Variants in NXF3 observed in about 807,000 individuals in gnomAD.
NXF3 encodes TAP-like protein 3.
A neutral mutation model predicts 48.4 loss-of-function variants in NXF3; 34 were observed. The observed-to-expected ratio is 0.70, with a 90% CI of 0.53 to 0.93. NXF3 has a LOEUF of 0.93. Among genes scored for constraint, NXF3 ranks in the 40% least tolerant of loss-of-function variants. The pLI is 0.00. For synonymous variants in NXF3, 132 were observed against 145.7 expected (o/e 0.91, Z 0.68); for missense variants, 359 against 406.1 (o/e 0.88, Z 1.00).
At chrX:103,080,921 C>G (rs1219746556) in intron 9 of NXF3, 7 of 329,738 alleles carry the variant, frequency 2.1e-5, no homozygotes, top group Non-Finnish European at 3.2e-5. Context: ...TGGCCCTGGC[C>G]AAGACCAGGT....
At chrX:103,077,911 CT>C (rs757050037) in intron 17 of NXF3, among the ~76,000 whole-genome samples, 165 bp from the exon 18 acceptor site, 2 of 111,734 alleles carry the variant, frequency 1.8e-5, no homozygotes, top group South Asian at 7.6e-4. Flanking sequence ...CAGAGCCCAC[CT>C]TTGGAGAGAT....
intron 1 of NXF3, among the ~76,000 whole-genome samples, chrX:103,086,851 CATAATG>C (rs1212505205): frequency 9.0e-6 from 1 of 111,710 alleles, no homozygotes. Flanking sequence ...GAAAAGAACT[CATAATG>C]ATAAAGGTTC....
At chrX:103,079,106 G>A in intron 16 of NXF3, 115 bp downstream of exon 16, 1 of 793,450 alleles carries the variant, frequency 1.3e-6, no homozygotes, top group African/African-American at 2.0e-5. Context: ...AACACGGAGG[G>A]AACAAGAGGA....
intron 1 of NXF3, chrX:103,087,064 G>A (rs1344768211): frequency 3.1e-5 from 10 of 325,630 alleles, no homozygotes; most frequent in South Asian, 1.4e-4. Context: ...TTTCTTGTTC[G>A]CCTACTTTCG....
At chrX:103,087,778 A>G in intron 1 of NXF3, 2 of 933,772 alleles carry the variant, frequency 2.1e-6, no homozygotes, top group Non-Finnish European at 3.1e-6. Context: ...CGTGTAGTAA[A>G]TCTTTTTGAC....
At chrX:103,080,943 G>A (rs1341214204) in intron 9 of NXF3, 2 of 265,273 alleles carry the variant, frequency 7.5e-6, no homozygotes, top group Non-Finnish European at 1.3e-5. Context: ...AGCTCTTAGG[G>A]ATGGCCCAGG....
Position 103,087,284 on chromosome X carries a change from A to G in NXF3, c.29-2401T>C, listed in dbSNP as rs1922179215. 5.2e-6 allele frequency: 6 copies of G among 1,156,304 alleles called. No individual in the cohort carries two copies. In the South Asian group the frequency reaches 9.2e-5, roughly 18 times the overall value. ...CCTAGAAACAGGCCATATATTTGCAATATTTGCTTCAAGCACTTTGAAACA... is the reference window on the plus strand; with the variant it reads ...CCTAGAAACAGGCCATATATTTGCAGTATTTGCTTCAAGCACTTTGAAACA... On this transcript the variant is annotated intron_variant, in intron 1 of 19. Coordinates refer to ENST00000395065, the MANE Select transcript of NXF3 (RefSeq NM_022052.2).
intron 1 of NXF3, chrX:103,087,696 T>A (rs886802633): frequency 1.9e-6 from 2 of 1,047,860 alleles, no homozygotes; most frequent in Non-Finnish European, 2.7e-6. Flanking sequence ...TGTGGCAAGA[T>A]GTTTCCATCA....
At chrX:103,083,730 T>G (rs759985306) in intron 3 of NXF3, 38 bp from the exon 4 acceptor site, 1 of 1,051,599 alleles carries the variant, frequency 9.5e-7, no homozygotes, top group African/African-American at 1.8e-5. Context: ...GAAAGGAGAC[T>G]GACATAATGG....
At chrX:103,082,106 G>A in intron 9 of NXF3, 149 bp downstream of exon 9, 2 of 515,193 alleles carry the variant, frequency 3.9e-6, no homozygotes, top group Non-Finnish European at 7.1e-6. Context: ...TCTAAGCACA[G>A]ATGAATGAGT....
Position 103,082,254 on chromosome X carries a change from C to CT in NXF3, c.890dup (p.Asn297LysfsTer27), listed in dbSNP as rs761621471. 1 of 1,188,280 alleles carries CT rather than the reference C, an allele frequency of 8.4e-7. No homozygotes were observed. The highest frequency in any genetic ancestry group is 3.0e-5 in the East Asian group (1 of 33,705). ...AGGTGGTGACAGAGGGTACAACTGA[C>CT]TTTATGTTGCTGGAGGTATCCGAGA... On this transcript the variant is annotated frameshift_variant and splice_region_variant. Transcript: ENST00000395065. LOFTEE classifies it high-confidence loss of function.
rs1335282750 is a variant in NXF3, at chrX:103,077,765, A to G, written c.1452-19T>C. 8.3e-7 allele frequency: 1 copy of G among 1,206,533 alleles called. No homozygotes were observed. Among genetic ancestry groups the G allele is most frequent in the African/African-American group, 1.8e-5 (1 of 57,015 alleles). On this transcript the variant is annotated intron_variant, in intron 17 of 19. Coordinates refer to ENST00000395065, the MANE Select transcript of NXF3 (RefSeq NM_022052.2). ...GCACAGACTGGAGGAAAAATGGGCCATCAGGTAGCCGGAGAGAAGGACACC... is the reference window on the plus strand; with the variant it reads ...GCACAGACTGGAGGAAAAATGGGCCGTCAGGTAGCCGGAGAGAAGGACACC...
chrX:103,085,125 T>G (rs1922113666), intron 1 of NXF3, among the ~76,000 whole-genome samples: 1 of 110,200 alleles, frequency 9.1e-6, no homozygotes, highest in Admixed American at 9.6e-5. Context: ...CCACCACATC[T>G]GGCTAATTTT....
At chrX:103,079,947 G>A (rs1412259471) in intron 12 of NXF3, 66 bp downstream of exon 12, 1 of 1,191,450 alleles carries the variant, frequency 8.4e-7, no homozygotes, top group African/African-American at 1.8e-5. Context: ...ACTGTAGGCA[G>A]ACTTGTACTT....
rs1308107333 is a variant in NXF3 at position 103,086,423 on chromosome X, A to G, written c.29-1540T>C. Among the ~76,000 whole-genome samples, 4 of 111,175 alleles carry G rather than the reference A, an allele frequency of 3.6e-5. No individual in the cohort carries two copies. The East Asian group carries it at 1.1e-3, about 32-fold the overall frequency. ...CACTGGATTGTGATAGGGCAAAGAT[A>G]TATATTGTAATCCTAAGGATAAACA... On this transcript the variant is annotated intron_variant, in intron 1 of 19. Coordinates refer to ENST00000395065, the MANE Select transcript of NXF3 (RefSeq NM_022052.2).
In NXF3 at chrX:103,080,063, GC is replaced by G; in HGVS notation, c.1001del (p.Ser334ThrfsTer8). ...TCTTCAACATCTCAGATCCAAAGAA[GC>G]TTCCCTGGAATAAAGAGTCCCCAGG... ...AHKRLPTCKG[S>X]FFGSEMLKNL... On this transcript the variant is annotated frameshift_variant, in exon 12 of 20. Coordinates refer to ENST00000395065, the MANE Select transcript of NXF3 (RefSeq NM_022052.2). LOFTEE classifies it high-confidence loss of function. The G allele has an allele frequency of 8.3e-7, 1 of 1,211,239 alleles. No homozygotes were observed. The highest frequency in any genetic ancestry group is 1.1e-6 in the Non-Finnish European group (1 of 895,235).
chrX:103,088,816 A>T (rs1383287010), intron 1 of NXF3: 1 of 1,152,073 alleles, frequency 8.7e-7, no homozygotes, highest in Non-Finnish European at 1.2e-6. Flanking sequence ...TGCCAAGTAG[A>T]ATTTGGAAAC....
At chrX:103,092,892 G>T in intron 1 of NXF3, 104 bp downstream of exon 1, 1 of 824,170 alleles carries the variant, frequency 1.2e-6, no homozygotes, top group Non-Finnish European at 1.8e-6. Flanking sequence ...CATCTAAAGG[G>T]AGATTGGCTG....
Position 103,079,909 on chromosome X carries a change from T to C in NXF3, c.1053-39A>G, listed in dbSNP as rs921381780. 2.5e-6 allele frequency: 3 copies of C among 1,183,430 alleles called. No homozygotes were observed. In the African/African-American group the frequency reaches 5.3e-5, roughly 21 times the overall value. On this transcript the variant is annotated intron_variant, in intron 12 of 19. Coordinates refer to ENST00000395065, the MANE Select transcript of NXF3 (RefSeq NM_022052.2). ...GTGAGGACAGGCTATCTCTGTGGCC[T>C]GGGTGCCAAATGAGTCTTGAAAGTC...
Sources: gnomAD v4.1 joint callset for allele counts (sites outside exome capture counted in the v4.1 genomes callset) on GRCh38, gnomAD v4.1.1 for gene constraint, MANE v1.5 for transcripts, NCBI Gene and HGNC (gene_info 2026-07-23, HGNC 2026-07-21) for gene names.